DISC1: variants seen among roughly 807,000 people sequenced by gnomAD.
The protein encoded by DISC1 is disrupted in schizophrenia 1 protein.
Under a neutral mutation model 84.5 loss-of-function variants are expected in DISC1, and 57 were observed. The observed-to-expected ratio is 0.67, with a 90% CI of 0.55 to 0.84. DISC1 has a LOEUF of 0.84. Ranked by LOEUF, DISC1 falls within the 40% of genes least tolerant of loss-of-function variation. The pLI is 0.00. For synonymous variants in DISC1, 411 were observed against 415.2 expected (o/e 0.99, Z 0.12); for missense variants, 1,000 against 1,057.8 (o/e 0.95, Z 0.76).
intron 10 of DISC1, among the ~76,000 whole-genome samples, chr1:231,976,705 A>G (rs1198565713): frequency 6.6e-6 from 1 of 152,208 alleles, no homozygotes; most frequent in Non-Finnish European, 1.5e-5. Context: ...TGGGGAAACC[A>G]TCAAAACAAT....
rs1054175330 is a variant in DISC1, at chr1:231,652,616, T to A, written c.67+25682T>A. On this transcript the variant is annotated intron_variant, in intron 1 of 12. Transcript: ENST00000439617. ...ATCACTGAAGTCACATATTCCTCAC[T>A]GTTAATGATTTAGGGAACATCCTTC... is the stretch of plus-strand genomic sequence containing the variant. 2.0e-5 allele frequency among the ~76,000 whole-genome samples: 3 copies of A among 152,208 alleles called. No homozygotes were observed. In the South Asian group the frequency reaches 6.2e-4, roughly 32 times the overall value.
intron 9 of DISC1, among the ~76,000 whole-genome samples, chr1:231,947,461 A>G (rs896050949): frequency 7.9e-5 from 12 of 152,332 alleles, no homozygotes; most frequent in Admixed American, 7.8e-4. Context: ...TCAACTCAAG[A>G]TGGATCAGAG....
intron 9 of DISC1, among the ~76,000 whole-genome samples, chr1:231,946,010 A>C (rs943001441): frequency 6.6e-6 from 1 of 152,234 alleles, no homozygotes; most frequent in East Asian, 1.9e-4. Context: ...AGATGGATTC[A>C]CAGCCGAATT....
chr1:231,765,195 C>CAAAAAAAAAAAA (rs71179793), intron 4 of DISC1, among the ~76,000 whole-genome samples: 1 of 93,302 alleles, frequency 1.1e-5, no homozygotes, highest in Non-Finnish European at 2.0e-5. Context: ...GTCCACCCTA[C>CAAAAAAAAAAAA]AAAAAAAAAA....
chr1:231,959,709 A>G (rs1660114736), intron 10 of DISC1, among the ~76,000 whole-genome samples: 1 of 152,110 alleles, frequency 6.6e-6, no homozygotes, highest in African/African-American at 2.4e-5. Context: ...GCACTACAGG[A>G]TTTATTCTCA....
chr1:231,846,355 T>C (rs1477572192), intron 9 of DISC1, among the ~76,000 whole-genome samples: 2 of 152,248 alleles, frequency 1.3e-5, no homozygotes, highest in Non-Finnish European at 2.9e-5. Flanking sequence ...TGCCTTGGAA[T>C]GCGGGCAGCA....
intron 8 of DISC1, among the ~76,000 whole-genome samples, chr1:231,810,715 G>C (rs79219493): frequency 6.6e-6 from 1 of 152,200 alleles, no homozygotes; most frequent in Non-Finnish European, 1.5e-5. Flanking sequence ...CGAACATCCT[G>C]TGTGCTTGGT....
chr1:232,008,288 A>T (rs1667709910), intron 10 of DISC1, among the ~76,000 whole-genome samples: 1 of 152,238 alleles, frequency 6.6e-6, no homozygotes, highest in Non-Finnish European at 1.5e-5. Context: ...ATGCTAAGAG[A>T]TCCATCATAT....
At chr1:231,950,204 CTGTGTGTGTGTGTGTGTG>C (rs59801477) in intron 9 of DISC1, among the ~76,000 whole-genome samples, 151 of 139,522 alleles carry the variant, frequency 1.1e-3, no homozygotes, top group African/African-American at 3.7e-3. Context: ...AAAAAAAATT[CTGTGTGTGTGTGTGTGTG>C]TGTGTGTGTG....
rs1371844036 is a variant in DISC1, at chr1:231,680,593, A to T, written c.68-13233A>T. ...TTGTTTTTTAGTAAGACCATAGAGC[A>T]GAACATTTGCAATTTTATAATGGTT... is the stretch of plus-strand genomic sequence containing the variant. On this transcript the variant is annotated intron_variant, in intron 1 of 12. Coordinates refer to ENST00000439617, the MANE Select transcript of DISC1 (RefSeq NM_018662.3). Among the ~76,000 whole-genome samples, 3 of 152,360 alleles carry T rather than the reference A, an allele frequency of 2.0e-5. No individual in the cohort carries two copies. The East Asian group carries it at 5.8e-4, about 29-fold the overall frequency.
chr1:231,834,470 C>A (rs1007564444), intron 9 of DISC1, among the ~76,000 whole-genome samples: 1 of 152,044 alleles, frequency 6.6e-6, no homozygotes, highest in African/African-American at 2.4e-5. Flanking sequence ...CATCTCAGAC[C>A]GTTTGCCCAT....
intron 1 of DISC1, among the ~76,000 whole-genome samples, chr1:231,664,582 A>C (rs1006145348): frequency 2.0e-5 from 3 of 152,184 alleles, no homozygotes; most frequent in Non-Finnish European, 2.9e-5. Flanking sequence ...GAGAGATTTG[A>C]AGATGCTCAA....
chr1:231,641,449 G>T (rs1221616902), intron 1 of DISC1, among the ~76,000 whole-genome samples: 2 of 152,146 alleles, frequency 1.3e-5, no homozygotes, highest in African/African-American at 4.8e-5. Flanking sequence ...GTTGGCTTCA[G>T]GAGTGAAGCT....
intron 9 of DISC1, among the ~76,000 whole-genome samples, chr1:231,863,776 G>A (rs1222566887): frequency 6.6e-6 from 1 of 152,184 alleles, no homozygotes; most frequent in Admixed American, 6.5e-5. Context: ...ATCTCCGTAA[G>A]AATGAAAGGA....
chr1:231,762,925 A>C (rs1222204733), intron 4 of DISC1, among the ~76,000 whole-genome samples: 3 of 152,180 alleles, frequency 2.0e-5, no homozygotes, highest in Non-Finnish European at 4.4e-5. Flanking sequence ...AAAATGAAGA[A>C]GGTAAGGTTC....
At chr1:231,913,061 C>G (rs1242938064) in intron 9 of DISC1, among the ~76,000 whole-genome samples, 1 of 152,058 alleles carries the variant, frequency 6.6e-6, no homozygotes, top group African/African-American at 2.4e-5. Context: ...GCACACACCA[C>G]TATGCCCAGC....
intron 8 of DISC1, among the ~76,000 whole-genome samples, chr1:231,809,667 G>A (rs1231959551): frequency 6.6e-6 from 1 of 151,780 alleles, no homozygotes; most frequent in Non-Finnish European, 1.5e-5. Flanking sequence ...TGATGCTTTT[G>A]GGGAAAATAA....
intron 9 of DISC1, among the ~76,000 whole-genome samples, chr1:231,955,649 C>G (rs970800892): frequency 6.6e-6 from 1 of 152,060 alleles, no homozygotes; most frequent in Non-Finnish European, 1.5e-5. Context: ...ACCACCACGC[C>G]CAGCCAATTT....
chr1:231,837,770 ACATTAGAAT>A (rs1195258387), intron 9 of DISC1, among the ~76,000 whole-genome samples: 1 of 152,226 alleles, frequency 6.6e-6, no homozygotes, highest in African/African-American at 2.4e-5. Context: ...GGATAAACCT[ACATTAGAAT>A]CAAAGCAGGT....
Sources: allele counts gnomAD v4.1 joint callset (sites outside exome capture counted in the v4.1 genomes callset), GRCh38; gene constraint gnomAD v4.1.1; transcripts MANE v1.5; gene names NCBI Gene and HGNC (gene_info 2026-07-23, HGNC 2026-07-21).